Variants in DIAPH3 observed in about 807,000 individuals in gnomAD.
DIAPH3 encodes diaphanous related formin 3.
DIAPH3 carries 117 observed loss-of-function variants against 144.3 expected under a neutral mutation model. The ratio of observed to expected loss-of-function variants is 0.81; its 90% confidence interval spans 0.70 to 0.95. DIAPH3 has a LOEUF of 0.95. Ranked by LOEUF, DIAPH3 falls within the 40% of genes least tolerant of loss-of-function variation. The pLI is 0.00. For synonymous variants in DIAPH3, 519 were observed against 488.9 expected, an observed-to-expected ratio of 1.06 and a Z score of -0.81; for missense variants, 1,421 against 1,412.7, an observed-to-expected ratio of 1.01 and a Z score of -0.09.
At chr13:60,064,318 C>T (rs1180816544) in intron 4 of DIAPH3, among the ~76,000 whole-genome samples, 1 of 152,186 alleles carries the variant, frequency 6.6e-6, no homozygotes, top group African/African-American at 2.4e-5. Flanking sequence ...GCATCTTTTT[C>T]AAATATAAGG....
chr13:59,836,892 T>C (rs984281067), intron 23 of DIAPH3, among the ~76,000 whole-genome samples: 1 of 151,970 alleles, frequency 6.6e-6, no homozygotes, highest in African/African-American at 2.4e-5. Flanking sequence ...CATTTTAGCT[T>C]CCAAATTCTT....
In DIAPH3 at chr13:59,670,608, A is replaced by AGT. The variant is rs566839050; in HGVS notation, c.3320-3764_3320-3763dup. 7.2e-4 allele frequency among the ~76,000 whole-genome samples: 105 copies of AGT among 145,638 alleles called. No individual in the cohort carries two copies. The East Asian group carries it at 0.02, about 28-fold the overall frequency. Reference sequence around the variant, plus strand: ...CTTTTTTTTTTTTTTTTTTTGAGACAGTCTTGCTCTGTCGCCCAGGCTGGA... The same window carrying AGT: ...CTTTTTTTTTTTTTTTTTTTGAGACAGTGTCTTGCTCTGTCGCCCAGGCTGGA... On this transcript the variant is annotated intron_variant, in intron 27 of 27. Coordinates refer to ENST00000400324, the MANE Select transcript of DIAPH3 (RefSeq NM_001042517.2).
intron 17 of DIAPH3, among the ~76,000 whole-genome samples, chr13:59,925,480 A>G (rs1473533815): frequency 1.3e-5 from 2 of 152,182 alleles, no homozygotes; most frequent in Non-Finnish European, 2.9e-5. Context: ...GGATTTCTGC[A>G]TCTAAATTCA....
chr13:59,900,515 AG>A (rs2046369586), intron 20 of DIAPH3, among the ~76,000 whole-genome samples: 1 of 152,184 alleles, frequency 6.6e-6, no homozygotes, highest in East Asian at 1.9e-4. Flanking sequence ...ACAATTCCCT[AG>A]GTAAGGGATT....
intron 3 of DIAPH3, among the ~76,000 whole-genome samples, chr13:60,096,625 GC>G (rs2058112913): frequency 6.6e-6 from 1 of 152,178 alleles, no homozygotes; most frequent in African/African-American, 2.4e-5. Flanking sequence ...CTCAGTATGG[GC>G]AGGCACCATC....
chr13:59,794,998 G>A (rs1035749306), intron 25 of DIAPH3, among the ~76,000 whole-genome samples: 19 of 152,218 alleles, frequency 1.2e-4, no homozygotes, highest in African/African-American at 3.4e-4. Context: ...AGGTCATTAG[G>A]AAACAAAATG....
At chr13:60,011,906 T>G (rs1188311295) in intron 7 of DIAPH3, among the ~76,000 whole-genome samples, 3 of 152,154 alleles carry the variant, frequency 2.0e-5, no homozygotes, top group African/African-American at 7.2e-5. Context: ...TAAGTTATGT[T>G]AATGATGTAT....
chr13:60,006,504 G>A (rs1316462017), intron 9 of DIAPH3, among the ~76,000 whole-genome samples: 1 of 152,126 alleles, frequency 6.6e-6, no homozygotes, highest in Non-Finnish European at 1.5e-5. Flanking sequence ...TTTCTTTAGG[G>A]CTACTCTTCA....
At chr13:59,669,995 C>T (rs1181038490) in intron 27 of DIAPH3, among the ~76,000 whole-genome samples, 2 of 152,138 alleles carry the variant, frequency 1.3e-5, no homozygotes, top group Non-Finnish European at 2.9e-5. Flanking sequence ...TATACCAGAT[C>T]CAAGGATGAA....
chr13:60,131,402 C>T (rs1435908989), intron 2 of DIAPH3, among the ~76,000 whole-genome samples: 6 of 131,210 alleles, frequency 4.6e-5, no homozygotes, highest in Admixed American at 8.7e-5. Flanking sequence ...TGTCACTGCA[C>T]TTCAGCCTGG....
chr13:59,959,153 G>A (rs2049593260), intron 17 of DIAPH3, among the ~76,000 whole-genome samples: 1 of 152,068 alleles, frequency 6.6e-6, no homozygotes, highest in South Asian at 2.1e-4. Context: ...GGAGATTACA[G>A]GTGTGAGCCA....
intron 3 of DIAPH3, among the ~76,000 whole-genome samples, chr13:60,107,822 T>C (rs2058462384): frequency 6.6e-6 from 1 of 152,216 alleles, no homozygotes; most frequent in Non-Finnish European, 1.5e-5. Flanking sequence ...AGAATTTAAA[T>C]AATTTTTGTC....
At chr13:59,932,630 A>T (rs2048075314) in intron 17 of DIAPH3, among the ~76,000 whole-genome samples, 1 of 152,186 alleles carries the variant, frequency 6.6e-6, no homozygotes, top group African/African-American at 2.4e-5. Flanking sequence ...GAAAATAAAA[A>T]TGACAAATTA....
intron 17 of DIAPH3, among the ~76,000 whole-genome samples, chr13:59,950,969 C>G (rs2049065666): frequency 6.6e-6 from 1 of 151,910 alleles, no homozygotes; most frequent in South Asian, 2.1e-4. Context: ...TTTCTTTCAT[C>G]AATTTTCTAA....
At chr13:60,102,159 T>C (rs2058288190) in intron 3 of DIAPH3, among the ~76,000 whole-genome samples, 1 of 152,202 alleles carries the variant, frequency 6.6e-6, no homozygotes, top group Non-Finnish European at 1.5e-5. Flanking sequence ...TTCCTATTCA[T>C]TTATGCTCGA....
chr13:59,761,495 G>T (rs549717900), intron 27 of DIAPH3, among the ~76,000 whole-genome samples: 1 of 151,176 alleles, frequency 6.6e-6, no homozygotes, highest in Non-Finnish European at 1.5e-5. Context: ...ATTTTTTTTC[G>T]CACATTAAGA....
chr13:60,045,201 A>G (rs1323894955), intron 4 of DIAPH3, among the ~76,000 whole-genome samples: 1 of 152,038 alleles, frequency 6.6e-6, no homozygotes, highest in African/African-American at 2.4e-5. Context: ...TTAGCTGAGC[A>G]TGGTGGCACA....
chr13:59,738,416 C>T (rs1052703869), intron 27 of DIAPH3, among the ~76,000 whole-genome samples: 4 of 151,962 alleles, frequency 2.6e-5, no homozygotes, highest in South Asian at 2.1e-4. Context: ...AGGGAAACAG[C>T]GAGCTCTGTG....
intron 23 of DIAPH3, among the ~76,000 whole-genome samples, chr13:59,836,252 G>C (rs2042037653): frequency 6.6e-6 from 1 of 151,606 alleles, no homozygotes; most frequent in Non-Finnish European, 1.5e-5. Flanking sequence ...CATGAGAAAG[G>C]AACAAGCACT....
Sources: allele counts gnomAD v4.1 joint callset (sites outside exome capture counted in the v4.1 genomes callset), GRCh38; gene constraint gnomAD v4.1.1; transcripts MANE v1.5; gene names NCBI Gene and HGNC (gene_info 2026-07-23, HGNC 2026-07-21).